The following TEX9 variants were observed in gnomAD, a reference collection of about 807,000 sequenced individuals.
TEX9 encodes testis-expressed protein 9.
TEX9 carries 74 observed loss-of-function variants against 59.6 expected under a neutral mutation model. The observed-to-expected ratio is 1.24, with a 90% CI of 1.03 to 1.51. The LOEUF (loss-of-function observed/expected upper bound fraction) is 1.51, where lower values mean the gene tolerates loss of function less well. Ranked by LOEUF, TEX9 falls within the 40% of genes most tolerant of loss-of-function variation. The pLI is 0.00. For synonymous variants in TEX9, 186 were observed against 152.2 expected (o/e 1.22, Z -1.64); for missense variants, 522 against 447.8 (o/e 1.17, Z -1.49).
intron 1 of TEX9, among the ~76,000 whole-genome samples, chr15:56,278,510 T>G (rs74834341): frequency 0.02 from 2,972 of 152,332 alleles, 92 homozygotes; most frequent in African/African-American, 0.066. Flanking sequence ...CTGGGTACTG[T>G]GAGAGATTCA....
intron 10 of TEX9, among the ~76,000 whole-genome samples, chr15:56,424,848 T>C (rs1378429619): frequency 6.6e-6 from 1 of 152,200 alleles, no homozygotes; most frequent in African/African-American, 2.4e-5. Flanking sequence ...TACTGGGGAA[T>C]TTCATATTTG....
chr15:56,325,770 T>C (rs2046007616), intron 1 of TEX9, among the ~76,000 whole-genome samples: 1 of 152,202 alleles, frequency 6.6e-6, no homozygotes, highest in Non-Finnish European at 1.5e-5. Context: ...ACAATCCCTA[T>C]TTCATGGTCT....
the TEX9 span, among the ~76,000 whole-genome samples, chr15:56,453,263 G>A: frequency 6.6e-6 from 1 of 152,000 alleles, no homozygotes; most frequent in African/African-American, 2.4e-5. Flanking sequence ...TACTATACAT[G>A]TACCTCTTGC....
intron 9 of TEX9, among the ~76,000 whole-genome samples, chr15:56,406,212 T>C (rs1389944647): frequency 2.0e-5 from 3 of 152,196 alleles, no homozygotes; most frequent in Non-Finnish European, 2.9e-5. Flanking sequence ...ATCGTGAATA[T>C]GGACTTTTGT....
At chr15:56,384,112 C>A in intron 4 of TEX9, 81 bp downstream of exon 4, 1 of 1,104,442 alleles carries the variant, frequency 9.1e-7, no homozygotes, top group Non-Finnish European at 1.3e-6. Context: ...TGCATGCAAA[C>A]ATTGAAAAAT....
intron 10 of TEX9, among the ~76,000 whole-genome samples, chr15:56,422,632 A>G (rs898350614): frequency 4.6e-5 from 7 of 151,950 alleles, no homozygotes; most frequent in South Asian, 2.1e-4. Flanking sequence ...TAAACTCTAC[A>G]TTGTTAATTT....
At position 56,365,468 on chromosome 15, in the gene TEX9, G is replaced by C. The variant is rs1486039100; in HGVS notation, c.18G>C (p.Leu6=). ...CGCCGAAGATGGCGGGGCGAAGTCT[G>C]TGTCTCACGGTCAGTTCAACTCCAG... Residue 6 remains leucine, a synonymous_variant, in exon 1 of 13, where the codon CTG becomes CTC. Coordinates refer to ENST00000352903, the Ensembl canonical transcript of TEX9. The C allele has an allele frequency of 1.9e-6, 3 of 1,613,768 alleles. No individual in the cohort carries two copies. In the Admixed American group the frequency reaches 5.0e-5, roughly 27 times the overall value.
chr15:56,391,157 G>A lies in TEX9; in HGVS notation c.396-86G>A, dbSNP rs1437260512. The A allele has an allele frequency of 7.8e-6, 6 of 767,936 alleles. No individual in the cohort carries two copies. The African/African-American group carries it at 1.1e-4, about 14-fold the overall frequency. 47.6% of individuals were successfully genotyped at this position (767,936 alleles called of 1,614,324 possible). A position where few individuals can be genotyped will look rare whatever the true frequency, so the allele number is the denominator to read the frequency against. ...TAATAATTTTGATCTGCTTATTTGG[G>A]TAAAAGGCATATATCCTGTCTACCT... On this transcript the variant is annotated intron_variant, in intron 6 of 12. Transcript: ENST00000352903.
intron 3 of TEX9, among the ~76,000 whole-genome samples, chr15:56,380,164 T>G (rs2047659394): frequency 6.6e-6 from 1 of 152,192 alleles, no homozygotes; most frequent in South Asian, 2.1e-4. Context: ...CTGATTTTTA[T>G]TTTTTGTGTG....
chr15:56,455,946 T>C, the TEX9 span, among the ~76,000 whole-genome samples: 3 of 152,156 alleles, frequency 2.0e-5, no homozygotes, highest in Admixed American at 6.5e-5. Context: ...GAGAAATTAA[T>C]TTTAAAACAA....
intron 1 of TEX9, among the ~76,000 whole-genome samples, chr15:56,315,459 A>T (rs1266778441): frequency 6.7e-6 from 1 of 149,736 alleles, no homozygotes; most frequent in Admixed American, 6.8e-5. Flanking sequence ...TCTTGTCTTT[A>T]AGAATGTTGA....
chr15:56,374,688 AC>A (rs1378126494), intron 3 of TEX9: 2 of 151,754 alleles, frequency 1.3e-5, no homozygotes, highest in East Asian at 1.9e-4. Flanking sequence ...CTTATCTCCC[AC>A]CCCTGCATCC....
In TEX9 at chr15:56,427,671, C is replaced by T. The variant is rs779028010; in HGVS notation, c.1030C>T (p.Gln344Ter). 1.3e-6 allele frequency: 2 copies of T among 1,530,668 alleles called. No homozygotes were observed. The highest frequency in any genetic ancestry group is 2.6e-5 in the South Asian group (2 of 75,984). The allele number at this position is 1,530,668 out of a possible 1,614,324, so 94.8% of individuals were successfully genotyped here. A position where few individuals can be genotyped will look rare whatever the true frequency, so the allele number is the denominator to read the frequency against. Residue 344 changes from glutamine (Q) to a stop codon, truncating the protein, a stop_gained, in exon 11 of 13, where the codon CAA (glutamine) becomes TAA (stop). Transcript: ENST00000352903. LOFTEE classifies it high-confidence loss of function. ...ATCAGAAAACAAGAAGCTAGAAAAA[C>T]AAAAAGGAGAATTAATGATAGGGTT...
At chr15:56,245,516 T>A (rs575594975) in intron 1 of TEX9, among the ~76,000 whole-genome samples, 1 of 152,314 alleles carries the variant, frequency 6.6e-6, no homozygotes, top group South Asian at 2.1e-4. Flanking sequence ...CATACATATC[T>A]TCATGTGGGT....
chr15:56,319,600 T>C (rs1296888569), intron 1 of TEX9, among the ~76,000 whole-genome samples: 8 of 152,146 alleles, frequency 5.3e-5, no homozygotes, highest in African/African-American at 9.7e-5. Context: ...AACTTCATTT[T>C]CTTCATATTA....
At chr15:56,385,862 A>T (rs558859885) in intron 4 of TEX9, among the ~76,000 whole-genome samples, 1 of 152,134 alleles carries the variant, frequency 6.6e-6, no homozygotes, top group Non-Finnish European at 1.5e-5. Flanking sequence ...ACATGGCAGT[A>T]TATTTGGCTC....
intron 2 of TEX9, among the ~76,000 whole-genome samples, chr15:56,372,205 T>C (rs865806782): frequency 6.6e-6 from 1 of 152,174 alleles, no homozygotes; most frequent in African/African-American, 2.4e-5. Flanking sequence ...AATGGCACTT[T>C]AAAGGCACCT....
chr15:56,314,916 G>T (rs1198947938), intron 1 of TEX9, among the ~76,000 whole-genome samples: 1 of 151,478 alleles, frequency 6.6e-6, no homozygotes, highest in Non-Finnish European at 1.5e-5. Context: ...GGCCTTCTTT[G>T]TCTCTTTTGA....
chr15:56,382,781 C>A (rs1377104528), intron 3 of TEX9, among the ~76,000 whole-genome samples: 2 of 152,172 alleles, frequency 1.3e-5, no homozygotes, highest in African/African-American at 4.8e-5. Context: ...TTCTCCTCTC[C>A]TTAAACAGAA....
Sources: allele counts gnomAD v4.1 joint callset (sites outside exome capture counted in the v4.1 genomes callset), GRCh38; gene constraint gnomAD v4.1.1; transcripts MANE v1.5; gene names NCBI Gene and HGNC (gene_info 2026-07-23, HGNC 2026-07-21).